Variants in MAP4 observed in about 807,000 individuals in gnomAD.
MAP4 encodes the protein microtubule-associated protein 4.
MAP4 carries 76 observed loss-of-function variants against 170.2 expected under a neutral mutation model. The ratio of observed to expected loss-of-function variants is 0.45; its 90% CI spans 0.37 to 0.54. The LOEUF (loss-of-function observed/expected upper bound fraction) is 0.54, where lower values mean the gene tolerates loss of function less well. Ranked by LOEUF, MAP4 falls within the 20% of genes least tolerant of loss-of-function variation. MAP4 has a pLI of 0.00. For missense variants in MAP4, 2,506 were observed against 2,748.0 expected, an observed-to-expected ratio of 0.91 and a Z score of 1.97; for synonymous variants, 909 against 994.5, an observed-to-expected ratio of 0.91 and a Z score of 1.62.
chr3:47,863,704 C>T (rs983514198), intron 17 of MAP4, among the ~76,000 whole-genome samples: 1 of 151,954 alleles, frequency 6.6e-6, no homozygotes, highest in African/African-American at 2.4e-5. Flanking sequence ...AAAACGGACA[C>T]AAAATCTTAA....
Position 47,916,483 on chromosome 3 carries a change from C to A in MAP4, c.1344G>T (p.Arg448Ser). The A allele has an allele frequency of 6.2e-7, 1 of 1,614,162 alleles. No homozygotes were observed. Among genetic ancestry groups the A allele is most frequent in the Non-Finnish European group, 8.5e-7 (1 of 1,180,026 alleles). Reference protein sequence around the residue: ...LSSETEVALARDMTLPPETNV... With the variant: ...LSSETEVALASDMTLPPETNV... ...TGGTTTCCGGGGGCAGTGTCATGTCCCTGGCCAGGGCTACCTCTGTTTCTG... is the reference window on the plus strand; with the variant it reads ...TGGTTTCCGGGGGCAGTGTCATGTCACTGGCCAGGGCTACCTCTGTTTCTG... The change falls in exon 7 of 21, where the codon AGG (arginine) becomes AGT (serine). Residue 448 changes from arginine (R) to serine (S), a missense_variant. Transcript: ENST00000683076.
intron 10 of MAP4, chr3:47,892,667 G>A: frequency 7.6e-7 from 1 of 1,316,278 alleles, no homozygotes; most frequent in South Asian, 2.3e-5. Flanking sequence ...TTACAAATGT[G>A]AAAGAAAGAA....
intron 1 of MAP4, among the ~76,000 whole-genome samples, chr3:48,081,957 A>G (rs2100146873): frequency 6.6e-6 from 1 of 152,224 alleles, no homozygotes; most frequent in African/African-American, 2.4e-5. Context: ...CAAAAGTGCT[A>G]AAAGACAAAG....
At chr3:47,935,801 T>G (rs2100052399) in intron 3 of MAP4, among the ~76,000 whole-genome samples, 1 of 151,262 alleles carries the variant, frequency 6.6e-6, no homozygotes, top group Non-Finnish European at 1.5e-5. Flanking sequence ...GCCGGGGGTG[T>G]GGTGACGTAT....
intron 2 of MAP4, among the ~76,000 whole-genome samples, chr3:47,993,081 G>T (rs1233455714): frequency 6.6e-6 from 1 of 152,172 alleles, no homozygotes; most frequent in Non-Finnish European, 1.5e-5. Flanking sequence ...TTGGATGAAA[G>T]AATGGTGAAA....
chr3:47,941,136 C>T (rs1468144584), intron 3 of MAP4, among the ~76,000 whole-genome samples: 1 of 149,976 alleles, frequency 6.7e-6, no homozygotes, highest in Admixed American at 6.7e-5. Flanking sequence ...ACCTCGGCCT[C>T]CCAAAGTCCT....
chr3:47,946,101 ATT>A (rs74703535), intron 3 of MAP4, among the ~76,000 whole-genome samples: 6 of 138,186 alleles, frequency 4.3e-5, no homozygotes, highest in Non-Finnish European at 4.8e-5. Flanking sequence ...TGCTTGGCTA[ATT>A]TTTTTTTTTT....
chr3:47,922,663 T>G (rs1370863040), intron 4 of MAP4, among the ~76,000 whole-genome samples: 2 of 152,106 alleles, frequency 1.3e-5, no homozygotes, highest in Non-Finnish European at 2.9e-5. Context: ...AAACAATTGT[T>G]ATCCTAACAG....
At chr3:47,970,103 C>T (rs2154225081) in intron 3 of MAP4, among the ~76,000 whole-genome samples, 1 of 152,322 alleles carries the variant, frequency 6.6e-6, no homozygotes, top group African/African-American at 2.4e-5. Context: ...GCCCTGGGGC[C>T]ACTTCCCAAA....
intron 3 of MAP4, among the ~76,000 whole-genome samples, chr3:47,950,995 C>G (rs533928421): frequency 2.7e-4 from 41 of 152,282 alleles, no homozygotes; most frequent in Admixed American, 1.2e-3. Flanking sequence ...TTCACATACT[C>G]AACAAATATA....
At chr3:47,857,854 G>A (rs193298342) in intron 17 of MAP4, among the ~76,000 whole-genome samples, 78 of 151,686 alleles carry the variant, frequency 5.1e-4, no homozygotes, top group African/African-American at 1.8e-3. Flanking sequence ...GATTACAGGC[G>A]TGTACCACCA....
chr3:48,056,921 T>A (rs1345676614), intron 1 of MAP4, among the ~76,000 whole-genome samples: 1 of 115,568 alleles, frequency 8.7e-6, no homozygotes, highest in African/African-American at 3.5e-5. Flanking sequence ...AGCCGCCCCG[T>A]CCGGGAGGGA....
intron 3 of MAP4, among the ~76,000 whole-genome samples, chr3:47,957,562 C>A (rs903999025): frequency 6.6e-6 from 1 of 152,188 alleles, no homozygotes; most frequent in African/African-American, 2.4e-5. Context: ...ATCCTCCTGC[C>A]TTGGCCTCCC....
At chr3:48,002,559 C>A (rs1350944492) in intron 1 of MAP4, among the ~76,000 whole-genome samples, 2 of 144,542 alleles carry the variant, frequency 1.4e-5, no homozygotes, top group African/African-American at 2.6e-5. Context: ...CAGAGTGAGA[C>A]CCTGTCTCAA....
At chr3:47,943,935 T>C (rs909084718) in intron 3 of MAP4, among the ~76,000 whole-genome samples, 5 of 152,072 alleles carry the variant, frequency 3.3e-5, no homozygotes, top group Non-Finnish European at 4.4e-5. Flanking sequence ...TTCAGTATTC[T>C]ACCTCCTACA....
chr3:47,911,577 G>A lies in MAP4; in HGVS notation c.2844C>T (p.Cys948=). Residue 948 remains cysteine, a synonymous_variant, in exon 9 of 21, where the codon TGC becomes TGT. Coordinates refer to ENST00000683076, the MANE Select transcript of MAP4 (RefSeq NM_001385682.1). The surrounding 1 kb of genome is among the most constrained non-coding windows in gnomAD (Gnocchi z 4.0). The part of the protein sequence containing the change: ...TPLDIRLKEG[C]SPFLDQEVMG... ...TAACCTCTTGGTCCAAGAAAGGAGA[G>A]CAACCCTCTTTAAGTCTGATATCCA... 1 of 1,536,102 alleles carries A rather than the reference G, an allele frequency of 6.5e-7. No individual in the cohort carries two copies. The highest frequency in any genetic ancestry group is 8.7e-7 in the Non-Finnish European group (1 of 1,146,900).
rs189784758 is a variant in MAP4, at chr3:47,943,566, G to A, written c.293-15216C>T. On this transcript the variant is annotated intron_variant, in intron 3 of 20. Transcript: ENST00000683076. ...AGAGGGTGCAGTGAGCCCAGATCCC[G>A]TACTGCATTCCAGCCTAGGTGACAA... Among the ~76,000 whole-genome samples, 331 of 151,894 alleles carry A rather than the reference G, an allele frequency of 2.2e-3. 6 individuals are homozygous for A. Among genetic ancestry groups the A allele is most frequent in the African/African-American group, 6.8e-3 (283 of 41,448 alleles).
At chr3:47,930,462 AC>A (rs934040596) in intron 3 of MAP4, among the ~76,000 whole-genome samples, 9 of 151,562 alleles carry the variant, frequency 5.9e-5, no homozygotes, top group Admixed American at 2.0e-4. Flanking sequence ...AAAAAAAAAA[AC>A]AAACAAACAA....
At position 47,914,897 on chromosome 3, in the gene MAP4, T is replaced by C. The variant is rs142794330; in HGVS notation, c.1919A>G (p.Glu640Gly). Residue 640 changes from glutamate (E) to glycine (G), a missense_variant, in exon 8 of 21, where the codon GAG becomes GGG. Glu to Gly is a moderately conservative substitution (Grantham distance 98, BLOSUM62 -2). Coordinates refer to ENST00000683076, the MANE Select transcript of MAP4 (RefSeq NM_001385682.1). ...GTGKKCSLPA[E>G]EDSVLEKLGE... is the part of the protein sequence containing the mutation. ...TAGTTTTTCTAACACAGAATCCTCC[T>C]CGGCCGGCAAGCTGCACTTTTTCCC... is the stretch of plus-strand genomic sequence containing the variant. 8.1e-6 allele frequency: 13 copies of C among 1,614,012 alleles called. No individual in the cohort carries two copies. In the African/African-American group the frequency reaches 1.3e-4, roughly 17 times the overall value.
Sources: allele counts gnomAD v4.1 joint callset (sites outside exome capture counted in the v4.1 genomes callset), GRCh38; gene constraint gnomAD v4.1.1; non-coding constraint Gnocchi (gnomAD v3.1); transcripts MANE v1.5; gene names NCBI Gene and HGNC (gene_info 2026-07-23, HGNC 2026-07-21).